The following ARHGEF28 variants were observed in gnomAD, a reference collection of about 807,000 sequenced individuals.
ARHGEF28 encodes 190 kDa guanine nucleotide exchange factor.
A neutral mutation model predicts 206.6 loss-of-function variants in ARHGEF28; 152 were observed. The ratio of observed to expected loss-of-function variants is 0.74; its 90% CI spans 0.64 to 0.84. ARHGEF28 has a LOEUF of 0.84. Among genes scored for constraint, ARHGEF28 ranks in the 40% least tolerant of loss-of-function variants. The probability of loss-of-function intolerance (pLI) is 0.00; values close to 1 mark genes in which losing one functional copy is unlikely to be tolerated. For synonymous variants in ARHGEF28, 763 were observed against 776.4 expected (o/e 0.98, Z 0.29); for missense variants, 2,028 against 2,073.2 (o/e 0.98, Z 0.42).
chr5:73,855,561 A>G (rs1008396877), intron 14 of ARHGEF28, among the ~76,000 whole-genome samples: 1 of 151,750 alleles, frequency 6.6e-6, no homozygotes, highest in Admixed American at 6.6e-5. Flanking sequence ...GCAAAACCCC[A>G]TCTCTACTAA....
intron 30 of ARHGEF28, 22 bp downstream of exon 30, chr5:73,898,115 G>T: frequency 6.2e-7 from 1 of 1,607,504 alleles, no homozygotes; most frequent in Non-Finnish European, 8.5e-7. Context: ...TGCAGGCCTT[G>T]GCAATGAGCC....
intron 33 of ARHGEF28, 172 bp from the exon 34 acceptor site, chr5:73,909,240 C>A: frequency 1.1e-6 from 1 of 913,328 alleles, no homozygotes; most frequent in Non-Finnish European, 1.6e-6. Context: ...AGACACACCT[C>A]TCTGGAACGC....
chr5:73,761,491 C>A (rs1205715582), intron 4 of ARHGEF28, among the ~76,000 whole-genome samples: 1 of 152,094 alleles, frequency 6.6e-6, no homozygotes, highest in Admixed American at 6.5e-5. Flanking sequence ...ATGGTACATT[C>A]TTAGGGAAAT....
At chr5:73,698,169 A>G (rs1401363802) in intron 2 of ARHGEF28, among the ~76,000 whole-genome samples, 2 of 152,192 alleles carry the variant, frequency 1.3e-5, no homozygotes, top group Admixed American at 6.5e-5. Flanking sequence ...AGGTCCTGAA[A>G]ATGCCCTCAG....
chr5:73,782,759 G>C (rs999867706), intron 7 of ARHGEF28, among the ~76,000 whole-genome samples: 2 of 152,114 alleles, frequency 1.3e-5, no homozygotes, highest in Non-Finnish European at 2.9e-5. Context: ...GTTTTGTATT[G>C]GGAACACAGC....
At chr5:73,670,355 C>T (rs1456107235) in intron 1 of ARHGEF28, among the ~76,000 whole-genome samples, 1 of 152,256 alleles carries the variant, frequency 6.6e-6, no homozygotes, top group South Asian at 2.1e-4. Flanking sequence ...ATGTAGTATA[C>T]ATTGCTCTGG....
At chr5:73,822,714 C>T (rs1013642391) in intron 9 of ARHGEF28, among the ~76,000 whole-genome samples, 2 of 152,274 alleles carry the variant, frequency 1.3e-5, no homozygotes, top group Middle Eastern at 6.8e-3. Flanking sequence ...CTTCTAACTG[C>T]TGAGCTCAAG....
In ARHGEF28 at chr5:73,894,570, A is replaced by T. The variant is rs1433812345; in HGVS notation, c.3836A>T (p.Lys1279Ile). The change falls in exon 29 of 36, where the codon AAA (lysine) becomes ATA (isoleucine). Residue 1279 changes from lysine (K) to isoleucine (I), a missense_variant. By Grantham distance (102) the Lys-to-Ile change is moderately radical. This residue lies in a region of ARHGEF28 where 803 missense variants were observed against 768.0 expected (regional missense o/e 1.05). Transcript: ENST00000513042. ...GCCTCATTACTGGCAGCAGCACTGA[A>T]AGAAGGTAAACTGCTGTGAGAAGGG... ...QAASLLAAALKEAESLQVAVK... is the reference protein window; with the variant it reads ...QAASLLAAALIEAESLQVAVK... 1 of 1,613,392 alleles carries T rather than the reference A, an allele frequency of 6.2e-7. No individual in the cohort carries two copies. Among genetic ancestry groups the T allele is most frequent in the Admixed American group, 1.7e-5 (1 of 59,882 alleles).
intron 2 of ARHGEF28, among the ~76,000 whole-genome samples, chr5:73,743,662 C>A (rs986584791): frequency 7.7e-6 from 1 of 129,244 alleles, no homozygotes; most frequent in East Asian, 1.9e-4. Flanking sequence ...TGCTTCAAAT[C>A]AGATCAGGGG....
intron 35 of ARHGEF28, among the ~76,000 whole-genome samples, chr5:73,925,075 TG>T (rs1405570417): frequency 6.6e-6 from 1 of 152,186 alleles, no homozygotes; most frequent in Non-Finnish European, 1.5e-5. Context: ...GATAGAGCTT[TG>T]TTTAGCCCCC....
At chr5:73,784,239 A>G (rs1318716669) in intron 7 of ARHGEF28, among the ~76,000 whole-genome samples, 1 of 151,916 alleles carries the variant, frequency 6.6e-6, no homozygotes, top group South Asian at 2.1e-4. Flanking sequence ...AGTAGGGGGG[A>G]AACTCTAAGC....
intron 2 of ARHGEF28, among the ~76,000 whole-genome samples, chr5:73,708,206 G>A (rs1255514636): frequency 1.3e-5 from 2 of 150,028 alleles, no homozygotes; most frequent in Non-Finnish European, 3.0e-5. Flanking sequence ...TTTAATTTCA[G>A]CTTTTATTTT....
intron 9 of ARHGEF28, among the ~76,000 whole-genome samples, chr5:73,815,189 G>GGT (rs201163473): frequency 6.5e-5 from 7 of 107,462 alleles, no homozygotes; most frequent in Admixed American, 8.8e-5. Context: ...TGATTCAGGG[G>GGT]GTATATATAT....
At chr5:73,643,850 C>T (rs1355918775) in intron 1 of ARHGEF28, among the ~76,000 whole-genome samples, 3 of 150,494 alleles carry the variant, frequency 2.0e-5, no homozygotes, top group Non-Finnish European at 3.0e-5. Context: ...CATTCCTTTT[C>T]TGGTCACGAT....
chr5:73,675,185 G>A (rs1225854617), intron 1 of ARHGEF28, among the ~76,000 whole-genome samples: 1 of 152,180 alleles, frequency 6.6e-6, no homozygotes, highest in African/African-American at 2.4e-5. Flanking sequence ...CAGGTAGTAT[G>A]GGAATTGGAG....
intron 4 of ARHGEF28, among the ~76,000 whole-genome samples, chr5:73,757,066 T>C (rs1223075174): frequency 6.6e-6 from 1 of 152,230 alleles, no homozygotes; most frequent in Non-Finnish European, 1.5e-5. Context: ...GTTTTGGATT[T>C]GTTTTTTGTT....
At chr5:73,774,696 G>T (rs1056608807) in intron 5 of ARHGEF28, among the ~76,000 whole-genome samples, 2 of 152,252 alleles carry the variant, frequency 1.3e-5, no homozygotes, top group Non-Finnish European at 2.9e-5. Flanking sequence ...TGAGTGTATT[G>T]TTGGTTACTT....
At position 73,870,223 on chromosome 5, in the gene ARHGEF28, AT is replaced by A. The variant is rs1378931609; in HGVS notation, c.2566+15del. The stretch of plus-strand genomic sequence containing the variant: ...ATGTCATTTTTGGTAAGCGTTTCAA[AT>A]ATGCTCTTTGGGTTGAAGCAGTGCG... On this transcript the variant is annotated intron_variant, in intron 21 of 35. Coordinates refer to ENST00000513042, the MANE Select transcript of ARHGEF28 (RefSeq NM_001177693.2). 6.2e-7 allele frequency: 1 copy of A among 1,611,240 alleles called. No homozygotes were observed. The highest frequency in any genetic ancestry group is 8.5e-7 in the Non-Finnish European group (1 of 1,178,308).
chr5:73,796,246 C>T (rs142969319), intron 9 of ARHGEF28, among the ~76,000 whole-genome samples: 16 of 152,300 alleles, frequency 1.1e-4, no homozygotes, highest in Non-Finnish European at 1.5e-4. Context: ...CAGATGAGCA[C>T]GAACCACTCC....
Sources: gnomAD v4.1 joint callset for allele counts (sites outside exome capture counted in the v4.1 genomes callset) on GRCh38, gnomAD v4.1.1 for gene constraint, gnomAD v4.1.1 regional missense constraint, MANE v1.5 for transcripts, NCBI Gene and HGNC (gene_info 2026-07-23, HGNC 2026-07-21) for gene names.